VAT1L: variants seen among roughly 807,000 people sequenced by gnomAD.
VAT1L encodes vesicle amine transport 1 like, also known as putative NADPH-dependent quinone oxidoreductase VAT1L.
In VAT1L, 34 loss-of-function variants were observed where a neutral mutation model predicts 44.1. The observed-to-expected ratio is 0.77, with a 90% CI of 0.59 to 1.03. The LOEUF is 1.03. Ranked by LOEUF, VAT1L falls within the 50% of genes least tolerant of loss-of-function variation. The pLI, the probability that VAT1L is intolerant of heterozygous loss-of-function variation, is 0.00. For synonymous variants in VAT1L, 253 were observed against 202.2 expected, an observed-to-expected ratio of 1.25 and a Z score of -2.13; for missense variants, 615 against 538.8, an observed-to-expected ratio of 1.14 and a Z score of -1.40.
intron 7 of VAT1L, among the ~76,000 whole-genome samples, chr16:77,956,775 G>A (rs371136263): frequency 3.9e-5 from 6 of 152,150 alleles, no homozygotes; most frequent in Non-Finnish European, 8.8e-5. Context: ...CAATGCTTTC[G>A]CAAATAGAAT....
intron 4 of VAT1L, among the ~76,000 whole-genome samples, chr16:77,863,797 G>A (rs2016940669): frequency 6.6e-6 from 1 of 152,040 alleles, no homozygotes; most frequent in Non-Finnish European, 1.5e-5. Flanking sequence ...ATGAGGTGAG[G>A]CTGAGCAAGG....
chr16:77,835,131 G>T, intron 3 of VAT1L, among the ~76,000 whole-genome samples: 1 of 152,102 alleles, frequency 6.6e-6, no homozygotes, highest in African/African-American at 2.4e-5. Context: ...TTCCTGCCAC[G>T]TCGTAAATGC....
chr16:77,970,998 G>T (rs1319615118), intron 7 of VAT1L, among the ~76,000 whole-genome samples: 3 of 121,446 alleles, frequency 2.5e-5, no homozygotes, highest in African/African-American at 9.1e-5. Context: ...ATTTAGGCTA[G>T]ATCTATTAAA....
chr16:77,946,279 C>CTTGTTTTTTTTTTTTTTT (rs2017963497), intron 7 of VAT1L, among the ~76,000 whole-genome samples: 1 of 70,428 alleles, frequency 1.4e-5, no homozygotes, highest in Non-Finnish European at 2.5e-5. Flanking sequence ...GTTACTTGTT[C>CTTGTTTTTTTTTTTTTTT]TTTTTTTTTT....
intron 7 of VAT1L, among the ~76,000 whole-genome samples, chr16:77,917,913 C>A (rs1256023212): frequency 2.0e-5 from 3 of 152,336 alleles, no homozygotes; most frequent in African/African-American, 7.2e-5. Flanking sequence ...AAGCCAGACA[C>A]TGAAGTTCTG....
intron 8 of VAT1L, among the ~76,000 whole-genome samples, chr16:77,975,482 G>A (rs2018329082): frequency 6.6e-6 from 1 of 152,080 alleles, no homozygotes; most frequent in African/African-American, 2.4e-5. Context: ...AATGTGCTGG[G>A]ATTACAGGCG....
chr16:77,876,354 C>G lies in VAT1L; in HGVS notation c.723-16C>G, dbSNP rs764645985. On this transcript the variant is annotated splice_polypyrimidine_tract_variant and intron_variant, in intron 4 of 8. Transcript: ENST00000302536. Reference sequence around the variant, plus strand: ...TGACAGGTCACAGAATTTTGCTTTGCCTTCTCACCATTTAGAATCTCTGCT... The same window carrying G: ...TGACAGGTCACAGAATTTTGCTTTGGCTTCTCACCATTTAGAATCTCTGCT... The G allele has an allele frequency of 1.2e-6, 2 of 1,612,498 alleles. No homozygotes were observed. Among genetic ancestry groups the G allele is most frequent in the African/African-American group, 2.7e-5 (2 of 74,894 alleles).
At chr16:77,949,218 C>T (rs1418642832) in intron 7 of VAT1L, among the ~76,000 whole-genome samples, 2 of 152,098 alleles carry the variant, frequency 1.3e-5, no homozygotes, top group South Asian at 2.1e-4. Flanking sequence ...GAGATTAGAG[C>T]CAAGATCTCT....
At chr16:77,878,637 C>A (rs1409678802) in intron 5 of VAT1L, among the ~76,000 whole-genome samples, 1 of 152,114 alleles carries the variant, frequency 6.6e-6, no homozygotes, top group Non-Finnish European at 1.5e-5. Flanking sequence ...ATGGATCACA[C>A]CATTTCTTTG....
chr16:77,811,312 A>C (rs1477880981), intron 1 of VAT1L, among the ~76,000 whole-genome samples: 1 of 152,240 alleles, frequency 6.6e-6, no homozygotes, highest in Admixed American at 6.5e-5. Context: ...TTTAACCTCA[A>C]ATTGGAAAAT....
intron 7 of VAT1L, among the ~76,000 whole-genome samples, chr16:77,959,061 C>T (rs1161126991): frequency 6.6e-6 from 1 of 152,220 alleles, no homozygotes; most frequent in Non-Finnish European, 1.5e-5. Context: ...CTTTCAGGTG[C>T]TGATCCTGCA....
intron 7 of VAT1L, among the ~76,000 whole-genome samples, chr16:77,902,274 C>T (rs972175856): frequency 6.6e-6 from 1 of 152,188 alleles, no homozygotes; most frequent in African/African-American, 2.4e-5. Flanking sequence ...ATATTCATTT[C>T]TGAGTAATTA....
intron 7 of VAT1L, among the ~76,000 whole-genome samples, chr16:77,964,735 C>CATCTA (rs1320007600): frequency 6.7e-6 from 1 of 150,158 alleles, no homozygotes; most frequent in African/African-American, 2.4e-5. Context: ...AACCCCTCAC[C>CATCTA]ATCTATTCTC....
At chr16:77,953,772 G>T (rs1400770995) in intron 7 of VAT1L, among the ~76,000 whole-genome samples, 1 of 152,018 alleles carries the variant, frequency 6.6e-6, no homozygotes, top group African/African-American at 2.4e-5. Flanking sequence ...TTGAGATTAT[G>T]GGCATGAGCC....
chr16:77,937,615 A>C (rs2017818577), intron 7 of VAT1L, among the ~76,000 whole-genome samples: 1 of 152,242 alleles, frequency 6.6e-6, no homozygotes, highest in Non-Finnish European at 1.5e-5. Flanking sequence ...GCTGGAACTT[A>C]AAGTGGTGAT....
At chr16:77,936,691 G>T (rs1272724497) in intron 7 of VAT1L, among the ~76,000 whole-genome samples, 1 of 152,150 alleles carries the variant, frequency 6.6e-6, no homozygotes, top group East Asian at 1.9e-4. Flanking sequence ...CACACAGGAA[G>T]AGGAGGGGCC....
At chr16:77,851,667 A>AAG (rs200308279) in intron 3 of VAT1L, among the ~76,000 whole-genome samples, 2 of 151,530 alleles carry the variant, frequency 1.3e-5, no homozygotes, top group Non-Finnish European at 2.9e-5. Context: ...AAATAATAAT[A>AAG]AGAGAGAGAG....
At chr16:77,917,653 A>T (rs2017565373) in intron 7 of VAT1L, among the ~76,000 whole-genome samples, 1 of 152,200 alleles carries the variant, frequency 6.6e-6, no homozygotes, top group African/African-American at 2.4e-5. Flanking sequence ...GAACTGGTAG[A>T]GGATGGAGTA....
intron 1 of VAT1L, among the ~76,000 whole-genome samples, chr16:77,810,974 G>T (rs931155937): frequency 6.6e-6 from 1 of 152,134 alleles, no homozygotes; most frequent in Non-Finnish European, 1.5e-5. Context: ...AGATTCTTTG[G>T]CAGTCTGTCT....
Sources: allele counts gnomAD v4.1 joint callset (sites outside exome capture counted in the v4.1 genomes callset), GRCh38; gene constraint gnomAD v4.1.1; transcripts MANE v1.5; gene names NCBI Gene and HGNC (gene_info 2026-07-23, HGNC 2026-07-21).